Variants in LCORL observed in about 807,000 individuals in gnomAD.
LCORL encodes ligand-dependent nuclear receptor corepressor-like protein.
In LCORL, 41 loss-of-function variants were observed where a neutral mutation model predicts 141.8. The ratio of observed to expected loss-of-function variants is 0.29; its 90% CI spans 0.23 to 0.38. The LOEUF (loss-of-function observed/expected upper bound fraction) is 0.38, where lower values mean the gene tolerates loss of function less well. Ranked by LOEUF, LCORL falls within the 10% of genes least tolerant of loss-of-function variation. The probability of loss-of-function intolerance (pLI) is 1.00; values close to 1 mark genes in which losing one functional copy is unlikely to be tolerated. For synonymous variants in LCORL, 618 were observed against 694.1 expected (o/e 0.89, Z 1.72); for missense variants, 1,759 against 2,035.0 (o/e 0.86, Z 2.61).
At chr4:17,954,007 C>CA (rs1460991198) in intron 4 of LCORL, among the ~76,000 whole-genome samples, 1 of 151,934 alleles carries the variant, frequency 6.6e-6, no homozygotes, top group African/African-American at 2.4e-5. Flanking sequence ...ACTAAAAATA[C>CA]AAAAAATTAG....
At chr4:17,847,542 T>A (rs1188745925) in intron 7 of LCORL, among the ~76,000 whole-genome samples, 2 of 152,200 alleles carry the variant, frequency 1.3e-5, no homozygotes, top group African/African-American at 4.8e-5. Context: ...ACCAGGTAGC[T>A]TAGTATGCAT....
chr4:17,862,284 T>G (rs1193624124), intron 7 of LCORL, among the ~76,000 whole-genome samples: 2 of 152,184 alleles, frequency 1.3e-5, no homozygotes, highest in Non-Finnish European at 2.9e-5. Context: ...TCTCACATAT[T>G]GGCAGACAAG....
chr4:17,945,732 T>C (rs1272095841), intron 4 of LCORL, among the ~76,000 whole-genome samples: 2 of 151,990 alleles, frequency 1.3e-5, no homozygotes, highest in South Asian at 2.1e-4. Context: ...GTTTTAAGAA[T>C]TCTGGATTAG....
intron 4 of LCORL, among the ~76,000 whole-genome samples, chr4:17,917,363 T>G (rs1294589870): frequency 6.6e-6 from 1 of 152,168 alleles, no homozygotes; most frequent in Non-Finnish European, 1.5e-5. Context: ...CGGCTAAGTT[T>G]TGTATTTTTA....
intron 1 of LCORL, among the ~76,000 whole-genome samples, chr4:17,989,377 C>A (rs557885392): frequency 6.6e-6 from 1 of 151,938 alleles, no homozygotes; most frequent in Non-Finnish European, 1.5e-5. Flanking sequence ...TTATTTTGAT[C>A]CAGAGTAAAA....
At chr4:17,985,562 G>A (rs1398872310) in intron 1 of LCORL, among the ~76,000 whole-genome samples, 1 of 152,086 alleles carries the variant, frequency 6.6e-6, no homozygotes, top group African/African-American at 2.4e-5. Context: ...TTTAAAGTCT[G>A]TTTTGTTTGA....
At chr4:17,935,139 G>C (rs1736644856) in intron 4 of LCORL, among the ~76,000 whole-genome samples, 1 of 152,162 alleles carries the variant, frequency 6.6e-6, no homozygotes, top group Non-Finnish European at 1.5e-5. Flanking sequence ...GGTAGGTACA[G>C]AAGAAGAAAG....
At chr4:17,965,742 C>A (rs922947380) in intron 2 of LCORL, among the ~76,000 whole-genome samples, 1 of 151,964 alleles carries the variant, frequency 6.6e-6, no homozygotes, top group East Asian at 1.9e-4. Context: ...GTTTCAGATT[C>A]TTTGTTTGAA....
intron 4 of LCORL, among the ~76,000 whole-genome samples, chr4:17,941,633 A>G (rs1737977688): frequency 6.6e-6 from 1 of 152,190 alleles, no homozygotes; most frequent in South Asian, 2.1e-4. Context: ...TAATAATGGC[A>G]CAAGTCTTCC....
chr4:17,870,717 T>G (rs562583044), intron 7 of LCORL, among the ~76,000 whole-genome samples: 3 of 152,286 alleles, frequency 2.0e-5, no homozygotes, highest in East Asian at 3.9e-4. Flanking sequence ...GTTTTCTCCC[T>G]TAGATGGAAA....
intron 6 of LCORL, chr4:17,883,025 G>A (rs1275828856): frequency 9.2e-6 from 9 of 976,132 alleles, no homozygotes; most frequent in African/African-American, 1.8e-5. Context: ...GGTTAACTAT[G>A]TGTCAGTTTT....
At chr4:17,922,715 G>A (rs905167230) in intron 4 of LCORL, among the ~76,000 whole-genome samples, 5 of 152,140 alleles carry the variant, frequency 3.3e-5, no homozygotes, top group African/African-American at 1.2e-4. Context: ...GGTATCTAGT[G>A]TTAAAGTGAG....
At chr4:17,903,717 T>C (rs1162870222) in intron 5 of LCORL, among the ~76,000 whole-genome samples, 4 of 151,804 alleles carry the variant, frequency 2.6e-5, no homozygotes, top group South Asian at 2.1e-4. Flanking sequence ...GAGAGGAAAA[T>C]AGGCATGTTT....
At chr4:17,998,044 TAC>T (rs1445244646) in intron 1 of LCORL, among the ~76,000 whole-genome samples, 1 of 152,198 alleles carries the variant, frequency 6.6e-6, no homozygotes, top group Non-Finnish European at 1.5e-5. Flanking sequence ...GCCTACTGTA[TAC>T]AGTCTGTACA....
At chr4:17,905,775 A>C (rs1190874685) in intron 5 of LCORL, among the ~76,000 whole-genome samples, 10 of 152,150 alleles carry the variant, frequency 6.6e-5, no homozygotes, top group South Asian at 4.1e-4. Flanking sequence ...TAACTGGCTT[A>C]AATGAGTATT....
chr4:17,857,938 T>C (rs1044837394), intron 7 of LCORL, among the ~76,000 whole-genome samples: 2 of 152,080 alleles, frequency 1.3e-5, no homozygotes, highest in Non-Finnish European at 2.9e-5. Context: ...CACAATAATA[T>C]AAAATTCACA....
chr4:17,961,724 A>G (rs1377399935), intron 4 of LCORL, among the ~76,000 whole-genome samples, 179 bp downstream of exon 4: 1 of 152,036 alleles, frequency 6.6e-6, no homozygotes, highest in Non-Finnish European at 1.5e-5. Flanking sequence ...CTAATACAAG[A>G]CTAGTACTAG....
intron 2 of LCORL, among the ~76,000 whole-genome samples, chr4:17,971,909 C>A (rs1214073795): frequency 6.6e-6 from 1 of 151,078 alleles, no homozygotes; most frequent in Non-Finnish European, 1.5e-5. Flanking sequence ...TTAGTAATAT[C>A]CCTTGGATAT....
chr4:17,842,365 A>G, exon 8 of LCORL: 1 of 1,612,128 alleles, frequency 6.2e-7, no homozygotes, highest in South Asian at 1.1e-5. Flanking sequence ...AGACTGCTGA[A>G]GCCGACTCTG....
Sources: gnomAD v4.1 joint callset for allele counts (sites outside exome capture counted in the v4.1 genomes callset) on GRCh38, gnomAD v4.1.1 for gene constraint, MANE v1.5 for transcripts, NCBI Gene and HGNC (gene_info 2026-07-23, HGNC 2026-07-21) for gene names.